MLIP: variants seen among roughly 807,000 people sequenced by gnomAD.
MLIP encodes the protein muscular LMNA-interacting protein.
Under a neutral mutation model 84.8 loss-of-function variants are expected in MLIP, and 79 were observed. The ratio of observed to expected loss-of-function variants is 0.93; its 90% CI spans 0.78 to 1.12. MLIP has a LOEUF of 1.12. Ranked by LOEUF, MLIP falls within the 50% of genes most tolerant of loss-of-function variation. The pLI is 0.00. For synonymous variants in MLIP, 504 were observed against 463.0 expected (o/e 1.09, Z -1.14); for missense variants, 1,257 against 1,160.6 (o/e 1.08, Z -1.21).
intron 9 of MLIP, among the ~76,000 whole-genome samples, chr6:54,171,389 G>C (rs1198829771): frequency 6.6e-6 from 1 of 151,486 alleles, no homozygotes; most frequent in Non-Finnish European, 1.5e-5. Context: ...AAGAAGCTTT[G>C]TTTTCACTTT....
intron 5 of MLIP, among the ~76,000 whole-genome samples, chr6:54,150,305 C>G (rs1188541087): frequency 1.3e-5 from 2 of 152,192 alleles, no homozygotes; most frequent in African/African-American, 4.8e-5. Flanking sequence ...CCTAGCATCT[C>G]TCCTGAATTT....
intron 11 of MLIP, among the ~76,000 whole-genome samples, chr6:54,223,034 A>G (rs971162843): frequency 2.6e-5 from 4 of 151,868 alleles, no homozygotes; most frequent in Admixed American, 2.6e-4. Context: ...CTTTTGAAAA[A>G]TATCTGTTCA....
At chr6:54,233,693 C>T (rs192741932) in intron 12 of MLIP, among the ~76,000 whole-genome samples, 228 of 152,210 alleles carry the variant, frequency 1.5e-3, no homozygotes, top group South Asian at 2.9e-3. Context: ...GGTATATACC[C>T]AGTAATGGGA....
chr6:54,121,935 C>T (rs1290708038), intron 2 of MLIP, among the ~76,000 whole-genome samples: 1 of 151,648 alleles, frequency 6.6e-6, no homozygotes, highest in Non-Finnish European at 1.5e-5. Flanking sequence ...AAATATAAGA[C>T]AAAACAGTGA....
At chr6:54,035,867 CA>C (rs1232351366) in intron 1 of MLIP, among the ~76,000 whole-genome samples, 1 of 151,918 alleles carries the variant, frequency 6.6e-6, no homozygotes, top group Non-Finnish European at 1.5e-5. Flanking sequence ...ATTCTAGATG[CA>C]TGTTCTTTGT....
chr6:54,229,193 C>T (rs1363835140), intron 11 of MLIP, among the ~76,000 whole-genome samples: 1 of 151,820 alleles, frequency 6.6e-6, no homozygotes, highest in Non-Finnish European at 1.5e-5. Context: ...ATCAAGTGAA[C>T]GACAATTACA....
chr6:54,214,835 T>C (rs1362091860), intron 11 of MLIP, among the ~76,000 whole-genome samples: 1 of 152,200 alleles, frequency 6.6e-6, no homozygotes, highest in East Asian at 1.9e-4. Context: ...TATGAGCATG[T>C]GGTCTCCGCA....
At chr6:54,068,060 C>T (rs1408848865) in intron 1 of MLIP, among the ~76,000 whole-genome samples, 1 of 70,252 alleles carries the variant, frequency 1.4e-5, no homozygotes, top group African/African-American at 3.2e-5. Flanking sequence ...TCCTTCCTTC[C>T]TTCCTTCCTT....
intron 5 of MLIP, among the ~76,000 whole-genome samples, chr6:54,158,280 AG>A (rs1478125984): frequency 6.6e-6 from 1 of 152,108 alleles, no homozygotes; most frequent in Non-Finnish European, 1.5e-5. Flanking sequence ...AAATAAGAGG[AG>A]AAGGGAACCT....
intron 9 of MLIP, among the ~76,000 whole-genome samples, chr6:54,180,505 G>A (rs1401756944): frequency 1.3e-5 from 2 of 152,036 alleles, no homozygotes; most frequent in Admixed American, 1.3e-4. Flanking sequence ...AAATATGGAA[G>A]GTGTGCTTCA....
chr6:54,092,529 G>T (rs1295081718), intron 1 of MLIP, among the ~76,000 whole-genome samples: 3 of 151,760 alleles, frequency 2.0e-5, no homozygotes, highest in Non-Finnish European at 4.4e-5. Flanking sequence ...CTTCTTTATT[G>T]ATCATATTTT....
chr6:54,171,410 A>G (rs968579942), intron 9 of MLIP, among the ~76,000 whole-genome samples: 2 of 151,608 alleles, frequency 1.3e-5, no homozygotes, highest in African/African-American at 2.4e-5. Flanking sequence ...ATTTTACAAC[A>G]TGACATTTGA....
At position 54,111,534 on chromosome 6, in the gene MLIP, A is replaced by G. The variant is rs1479569686; in HGVS notation, c.55A>G (p.Thr19Ala). 2 of 1,535,950 alleles carry G rather than the reference A, an allele frequency of 1.3e-6. No individual in the cohort carries two copies. The highest frequency in any genetic ancestry group is 2.0e-5 in the Admixed American group (1 of 50,986). The change falls in exon 1 of 14, where the codon ACC becomes GCC. Residue 19 changes from threonine to alanine, a missense_variant. Thr to Ala is a moderately conservative substitution (Grantham distance 58). Coordinates refer to ENST00000502396, the MANE Select transcript of MLIP (RefSeq NM_001281747.2). The stretch of plus-strand genomic sequence containing the variant: ...CTGCGGGAACAATTACTTCCAAATG[A>G]CCTCGTGCATCTTATCAGGGAGCAT... The part of the protein sequence containing the change: ...SDCGNNYFQM[T>A]SCILSGSIQT...
Position 54,124,587 on chromosome 6 carries a change from GA to G in MLIP, c.369del (p.Ala124GlnfsTer52). The G allele has an allele frequency of 6.2e-7, 1 of 1,614,160 alleles. No homozygotes were observed. Among genetic ancestry groups the G allele is most frequent in the South Asian group, 1.1e-5 (1 of 91,082 alleles). On this transcript the variant is annotated frameshift_variant, in exon 3 of 14. Coordinates refer to ENST00000502396, the MANE Select transcript of MLIP (RefSeq NM_001281747.2). LOFTEE classifies it high-confidence loss of function. The part of the protein sequence containing the change: ...SGTILQEREF[E>X]ANKLQGMQQS... ...AACGATTTTACAAGAAAGGGAATTC[GA>G]AGCAAACAAACTTCAAGGGATGCAG...
intron 1 of MLIP, among the ~76,000 whole-genome samples, chr6:54,080,102 A>G (rs1261035361): frequency 6.6e-6 from 1 of 152,110 alleles, no homozygotes; most frequent in African/African-American, 2.4e-5. Flanking sequence ...GTAATTTACC[A>G]AACCTAATAC....
At chr6:54,140,884 G>C (rs1302606842) in intron 4 of MLIP, among the ~76,000 whole-genome samples, 1 of 152,142 alleles carries the variant, frequency 6.6e-6, no homozygotes, top group Non-Finnish European at 1.5e-5. Flanking sequence ...ATGCTTTCAT[G>C]GGTTGTTTCT....
At chr6:54,231,010 T>C in intron 12 of MLIP, 93 bp downstream of exon 12, 1 of 970,138 alleles carries the variant, frequency 1.0e-6, no homozygotes, top group South Asian at 1.7e-5. Context: ...AAACATGTGT[T>C]AGGAATATTT....
chr6:54,040,247 A>G (rs1314888593), intron 1 of MLIP, among the ~76,000 whole-genome samples: 1 of 152,026 alleles, frequency 6.6e-6, no homozygotes, highest in Non-Finnish European at 1.5e-5. Flanking sequence ...GGATGGTGAG[A>G]GGACTGATGA....
Position 54,252,451 on chromosome 6 carries a change from ATAT to A in MLIP, c.2923-4853_2923-4851del, listed in dbSNP as rs1307992451. The stretch of plus-strand genomic sequence containing the variant: ...ATATAATATATAATATAACTATAGT[ATAT>A]TATAACATATAATATAAATATAATA... On this transcript the variant is annotated intron_variant, in intron 12 of 13. Transcript: ENST00000502396. 5.1e-5 allele frequency among the ~76,000 whole-genome samples: 7 copies of A among 135,942 alleles called. No homozygotes were observed. In the East Asian group the frequency reaches 1.3e-3, roughly 25 times the overall value. The allele number at this position is 135,942 out of a possible 152,430, so 89.2% of individuals were successfully genotyped here. A position where few individuals can be genotyped will look rare whatever the true frequency, so the allele number is the denominator to read the frequency against.
Sources: gnomAD v4.1 joint callset for allele counts (sites outside exome capture counted in the v4.1 genomes callset) on GRCh38, gnomAD v4.1.1 for gene constraint, MANE v1.5 for transcripts, NCBI Gene and HGNC (gene_info 2026-07-23, HGNC 2026-07-21) for gene names.